PTPRD: variants seen among roughly 807,000 people sequenced by gnomAD.
The protein encoded by PTPRD is protein tyrosine phosphatase receptor type D.
Under a neutral mutation model 214.5 loss-of-function variants are expected in PTPRD, and 34 were observed. That is an observed-to-expected ratio of 0.16 (90% confidence interval 0.12 to 0.21). The LOEUF (loss-of-function observed/expected upper bound fraction) is 0.21, where lower values mean the gene tolerates loss of function less well. PTPRD is among the 10% of genes least tolerant of loss of function. The probability of loss-of-function intolerance (pLI) is 1.00; values close to 1 mark genes in which losing one functional copy is unlikely to be tolerated. For synonymous variants in PTPRD, 1,128 were observed against 845.7 expected (o/e 1.33, Z -5.79); for missense variants, 2,545 against 2,398.7 (o/e 1.06, Z -1.27).
intron 3 of PTPRD, among the ~76,000 whole-genome samples, chr9:10,304,361 G>T (rs1437629307): frequency 1.3e-5 from 2 of 152,112 alleles, no homozygotes; most frequent in African/African-American, 4.8e-5. Flanking sequence ...ACAAGACAAG[G>T]ATGCCCTCTC....
chr9:10,169,961 T>G (rs571836308), intron 3 of PTPRD, among the ~76,000 whole-genome samples: 2 of 152,292 alleles, frequency 1.3e-5, no homozygotes, highest in Admixed American at 1.3e-4. Context: ...AAAAGATAAA[T>G]ACACTCAAAT....
intron 9 of PTPRD, among the ~76,000 whole-genome samples, chr9:9,263,980 T>C (rs7863177): frequency 0.48 from 73,251 of 151,316 alleles, 17,788 homozygotes; most frequent in East Asian, 0.52. Flanking sequence ...GACTCATCCA[T>C]AGAAAAATTT....
At position 9,864,354 on chromosome 9, in the gene PTPRD, T is replaced by C. The variant is rs189699500; in HGVS notation, c.-368+74153A>G. 2.6e-3 allele frequency among the ~76,000 whole-genome samples: 400 copies of C among 151,136 alleles called. 4 individuals carry two copies. Among genetic ancestry groups the C allele is most frequent in the Admixed American group, 0.018 (272 of 15,170 alleles). On this transcript the variant is annotated intron_variant, in intron 5 of 45. Transcript: ENST00000381196. Reference sequence around the variant, plus strand: ...TAAAAAAAAAAAAAGTTTTGTGGGATATACAGATATAGCTATGAAGTAAGA... The same window carrying C: ...TAAAAAAAAAAAAAGTTTTGTGGGACATACAGATATAGCTATGAAGTAAGA...
chr9:8,934,213 G>T (rs566077721), intron 11 of PTPRD, among the ~76,000 whole-genome samples: 1 of 150,838 alleles, frequency 6.6e-6, no homozygotes, highest in African/African-American at 2.4e-5. Context: ...TGGAAAGATA[G>T]GAAGTGATTT....
At chr9:9,429,118 G>T (rs1819531136) in intron 8 of PTPRD, among the ~76,000 whole-genome samples, 1 of 152,112 alleles carries the variant, frequency 6.6e-6, no homozygotes, top group Non-Finnish European at 1.5e-5. Context: ...CCAGGAACTG[G>T]TTTTTTGAAA....
At chr9:8,784,564 T>C (rs1015716177) in intron 11 of PTPRD, among the ~76,000 whole-genome samples, 6 of 152,180 alleles carry the variant, frequency 3.9e-5, no homozygotes, top group African/African-American at 1.4e-4. Flanking sequence ...TTTTATTGCA[T>C]TTTTCTTTTA....
At chr9:9,149,649 T>C (rs890559987) in intron 10 of PTPRD, among the ~76,000 whole-genome samples, 1 of 152,216 alleles carries the variant, frequency 6.6e-6, no homozygotes, top group Admixed American at 6.5e-5. Context: ...GATAACAACT[T>C]TCACTTTTCT....
chr9:9,375,071 CTGTG>C (rs1179112456), intron 9 of PTPRD, among the ~76,000 whole-genome samples: 1 of 152,080 alleles, frequency 6.6e-6, no homozygotes. Flanking sequence ...TAACCAAACT[CTGTG>C]TGTGTATGTG....
At chr9:9,905,861 G>A (rs1333481067) in intron 5 of PTPRD, among the ~76,000 whole-genome samples, 1 of 151,982 alleles carries the variant, frequency 6.6e-6, no homozygotes, top group Non-Finnish European at 1.5e-5. Flanking sequence ...TAAGGTATAA[G>A]TGCAAACTCA....
intron 4 of PTPRD, among the ~76,000 whole-genome samples, chr9:9,954,297 CAAAAAAAAAAAA>C (rs781628679): frequency 1.9e-5 from 1 of 53,752 alleles, no homozygotes; most frequent in Admixed American, 1.9e-4. Flanking sequence ...TGTCTCAAAA[CAAAAAAAAAAAA>C]AAAAAAAAAA....
At chr9:9,847,925 C>T (rs749609108) in intron 5 of PTPRD, among the ~76,000 whole-genome samples, 2 of 152,090 alleles carry the variant, frequency 1.3e-5, no homozygotes, top group South Asian at 2.1e-4. Context: ...CGTGATGAAG[C>T]TACATCCTGC....
chr9:9,150,386 G>A (rs1372158008), intron 10 of PTPRD, among the ~76,000 whole-genome samples: 2 of 149,412 alleles, frequency 1.3e-5, no homozygotes, highest in Non-Finnish European at 1.5e-5. Flanking sequence ...ACATCATGGA[G>A]CTTTCATCAT....
At chr9:9,218,218 T>C (rs1001094850) in intron 9 of PTPRD, among the ~76,000 whole-genome samples, 3 of 152,220 alleles carry the variant, frequency 2.0e-5, no homozygotes, top group Admixed American at 1.3e-4. Context: ...GTCAAACTTC[T>C]GTCTTGTTTT....
intron 3 of PTPRD, among the ~76,000 whole-genome samples, chr9:10,305,383 C>G (rs963530778): frequency 1.3e-5 from 1 of 75,880 alleles, no homozygotes; most frequent in African/African-American, 4.1e-5. Context: ...AAAGCAATGG[C>G]AAAAAAAAAA....
chr9:9,241,954 A>G (rs1362418760), intron 9 of PTPRD, among the ~76,000 whole-genome samples: 2 of 151,954 alleles, frequency 1.3e-5, no homozygotes, highest in Non-Finnish European at 1.5e-5. Flanking sequence ...GGTCTTTACA[A>G]TTTGGCATGT....
chr9:9,320,092 T>C (rs1270728641), intron 9 of PTPRD, among the ~76,000 whole-genome samples: 1 of 152,176 alleles, frequency 6.6e-6, no homozygotes, highest in African/African-American at 2.4e-5. Flanking sequence ...TAATGTTTTA[T>C]TTGAAACAGA....
At chr9:10,339,477 A>T (rs958028618) in intron 3 of PTPRD, among the ~76,000 whole-genome samples, 2 of 151,668 alleles carry the variant, frequency 1.3e-5, no homozygotes, top group African/African-American at 2.4e-5. Context: ...ACTCTGAAAG[A>T]CTTCTTATCT....
At chr9:9,311,800 G>A (rs989217563) in intron 9 of PTPRD, among the ~76,000 whole-genome samples, 1 of 152,004 alleles carries the variant, frequency 6.6e-6, no homozygotes, top group African/African-American at 2.4e-5. Flanking sequence ...GAAACCAATT[G>A]ACCTGTACTT....
chr9:8,686,753 A>G (rs1016519598), intron 12 of PTPRD, among the ~76,000 whole-genome samples: 2 of 152,228 alleles, frequency 1.3e-5, no homozygotes, highest in African/African-American at 4.8e-5. Flanking sequence ...AATATTATCC[A>G]TGAGTCACTG....
Sources: gnomAD v4.1 joint callset for allele counts (sites outside exome capture counted in the v4.1 genomes callset) on GRCh38, gnomAD v4.1.1 for gene constraint, MANE v1.5 for transcripts, NCBI Gene and HGNC (gene_info 2026-07-23, HGNC 2026-07-21) for gene names.